SEC24A: variants seen among roughly 807,000 people sequenced by gnomAD.
SEC24A encodes the protein SEC24 homolog A, COPII component, also known as protein transport protein Sec24A.
A neutral mutation model predicts 129.4 loss-of-function variants in SEC24A; 93 were observed. That is an observed-to-expected ratio of 0.72 (90% CI 0.61 to 0.85). SEC24A has a LOEUF of 0.85. Ranked by LOEUF, SEC24A falls within the 40% of genes least tolerant of loss-of-function variation. The pLI is 0.00. For synonymous variants in SEC24A, 460 were observed against 467.3 expected, an observed-to-expected ratio of 0.98 and a Z score of 0.20; for missense variants, 1,264 against 1,307.4, an observed-to-expected ratio of 0.97 and a Z score of 0.51.
chr5:134,675,074 A>G lies in SEC24A; in HGVS notation c.1008A>G (p.Thr336=), dbSNP rs767882261. 1 of 1,608,180 alleles carries G rather than the reference A, an allele frequency of 6.2e-7. No individual in the cohort carries two copies. Among genetic ancestry groups the G allele is most frequent in the Non-Finnish European group, 8.5e-7 (1 of 1,176,064 alleles). The change falls in exon 6 of 23, where the codon ACA becomes ACG. Residue 336 remains threonine (T), a synonymous_variant. Transcript: ENST00000398844. The part of the protein sequence containing the change: ...QTPLGANHLT[T]SMSGLSLQPE... ...CCTTAGGTGCTAATCATTTAACCAC[A>G]AGCATGAGTGGATTAAGTCTACAAC...
intron 16 of SEC24A, among the ~76,000 whole-genome samples, chr5:134,705,090 A>ATATATATATATATATAT: frequency 8.1e-6 from 1 of 123,306 alleles, no homozygotes; most frequent in East Asian, 2.3e-4. Context: ...ATATATATAT[A>ATATATATATATATATAT]TTTTTTTTTT....
At chr5:134,710,452 C>G (rs966574868) in intron 18 of SEC24A, among the ~76,000 whole-genome samples, 4 of 152,062 alleles carry the variant, frequency 2.6e-5, no homozygotes. Context: ...AGGCTGGTTT[C>G]TAACGCCCAA....
At chr5:134,661,821 C>CTTTTTTTTTTTTTTTTTTT (rs70976551) in intron 2 of SEC24A, among the ~76,000 whole-genome samples, 1 of 77,850 alleles carries the variant, frequency 1.3e-5, no homozygotes, top group Non-Finnish European at 2.6e-5. Context: ...TCTTTTTTCT[C>CTTTTTTTTTTTTTTTTTTT]TTTTTTTTTT....
chr5:134,688,880 A>C (rs922755193), intron 11 of SEC24A, among the ~76,000 whole-genome samples: 1 of 152,058 alleles, frequency 6.6e-6, no homozygotes, highest in Admixed American at 6.6e-5. Flanking sequence ...AGGTTTCACC[A>C]TGTTGGCCAG....
intron 13 of SEC24A, among the ~76,000 whole-genome samples, chr5:134,695,792 CAA>C (rs1044950030): frequency 1.3e-5 from 2 of 148,972 alleles, no homozygotes; most frequent in Admixed American, 1.3e-4. Context: ...ACAACAACAA[CAA>C]AAAACAAAAA....
rs755261633 is a variant in SEC24A at position 134,693,962 on chromosome 5, G to A, written c.1986+29G>A. Reference sequence around the variant, plus strand: ...AGAGAGTCATGAAATGTCTGATAAGGTTTATGCTGGTGTTCCATCCCTGTG... The same window carrying A: ...AGAGAGTCATGAAATGTCTGATAAGATTTATGCTGGTGTTCCATCCCTGTG... On this transcript the variant is annotated intron_variant, in intron 13 of 22. Coordinates refer to ENST00000398844, the MANE Select transcript of SEC24A (RefSeq NM_021982.3). 5 of 1,570,132 alleles carry A rather than the reference G, an allele frequency of 3.2e-6. No individual in the cohort carries two copies. In the African/African-American group the frequency reaches 4.1e-5, roughly 13 times the overall value.
chr5:134,705,323 A>G lies in SEC24A; in HGVS notation c.2441-4A>G. On this transcript the variant is annotated splice_region_variant and splice_polypyrimidine_tract_variant and intron_variant, in intron 16 of 22. Transcript: ENST00000398844. ...TCACTGTTGTTTGTGTATTTTCCCC[A>G]AAGGCGAAAGAAGAATTCGTGTTCA... 6.2e-7 allele frequency: 1 copy of G among 1,607,370 alleles called. No homozygotes were observed. The highest frequency in any genetic ancestry group is 8.5e-7 in the Non-Finnish European group (1 of 1,174,398).
At chr5:134,696,701 T>C (rs1226654198) in intron 13 of SEC24A, among the ~76,000 whole-genome samples, 1 of 152,078 alleles carries the variant, frequency 6.6e-6, no homozygotes, top group Non-Finnish European at 1.5e-5. Flanking sequence ...GGTTTCACCA[T>C]GTTAGCCAGG....
chr5:134,685,993 T>TAA (rs534968315), intron 9 of SEC24A, among the ~76,000 whole-genome samples: 2 of 146,294 alleles, frequency 1.4e-5, no homozygotes, highest in Admixed American at 6.9e-5. Context: ...CATCTCAAAG[T>TAA]AAAAAAAAAA....
intron 2 of SEC24A, among the ~76,000 whole-genome samples, chr5:134,663,563 ATCC>A (rs1324134307): frequency 3.3e-5 from 5 of 152,194 alleles, no homozygotes; most frequent in African/African-American, 1.2e-4. Context: ...CACGCCTATA[ATCC>A]TAGCACTTTG....
At position 134,665,323 on chromosome 5, in the gene SEC24A, G is replaced by A. The variant is rs536692265; in HGVS notation, c.566-1500G>A. Among the ~76,000 whole-genome samples, 277 of 150,842 alleles carry A rather than the reference G, an allele frequency of 1.8e-3. 2 individuals are homozygous for A. Among genetic ancestry groups the A allele is most frequent in the Non-Finnish European group, 3.3e-3 (221 of 67,774 alleles). The stretch of plus-strand genomic sequence containing the variant: ...ACAAAAATTAGCCGGGCGTGGTGGC[G>A]CGCACTTGTGGACCCAGCTGCTGCC... On this transcript the variant is annotated intron_variant, in intron 2 of 22. Coordinates refer to ENST00000398844, the MANE Select transcript of SEC24A (RefSeq NM_021982.3).
intron 13 of SEC24A, among the ~76,000 whole-genome samples, chr5:134,696,279 A>G (rs932048786): frequency 6.6e-6 from 1 of 152,038 alleles, no homozygotes; most frequent in African/African-American, 2.4e-5. Flanking sequence ...CTCAAAAAAA[A>G]AGAAAAAGAA....
chr5:134,720,539 A>G (rs1752600434), intron 20 of SEC24A, among the ~76,000 whole-genome samples: 1 of 152,168 alleles, frequency 6.6e-6, no homozygotes, highest in South Asian at 2.1e-4. Context: ...CATCAGGTAA[A>G]TACTAATTAT....
chr5:134,654,421 C>A (rs1404321854), intron 1 of SEC24A, among the ~76,000 whole-genome samples: 1 of 151,956 alleles, frequency 6.6e-6, no homozygotes, highest in Non-Finnish European at 1.5e-5. Flanking sequence ...GGGGTTTCAC[C>A]ATGTTGGACA....
chr5:134,700,673 T>A (rs1751978570), intron 15 of SEC24A, among the ~76,000 whole-genome samples: 1 of 151,696 alleles, frequency 6.6e-6, no homozygotes, highest in Admixed American at 6.6e-5. Flanking sequence ...TTCACTATAA[T>A]TAGAATTTAT....
chr5:134,716,904 G>C (rs546167720), intron 19 of SEC24A, among the ~76,000 whole-genome samples: 3 of 149,394 alleles, frequency 2.0e-5, no homozygotes, highest in Admixed American at 1.3e-4. Context: ...TTTGAGACAG[G>C]GTTTTGCACT....
chr5:134,649,187 G>C lies in SEC24A; in HGVS notation c.97+14G>C, dbSNP rs1225056891. ...CCTACACCAACGGTGAGTGCTGTCC[G>C]GGGGGAGGGCGCAGCCTGGCCAGGG... On this transcript the variant is annotated intron_variant, in intron 1 of 22. Transcript: ENST00000398844. 1.3e-6 allele frequency: 2 copies of C among 1,575,694 alleles called. No individual in the cohort carries two copies. The highest frequency in any genetic ancestry group is 1.4e-5 in the African/African-American group (1 of 73,194).
intron 15 of SEC24A, among the ~76,000 whole-genome samples, chr5:134,699,968 TG>T (rs1037350317): frequency 2.0e-5 from 3 of 152,058 alleles, no homozygotes; most frequent in African/African-American, 7.2e-5. Context: ...CCCTAAATGC[TG>T]GGATTACAGG....
chr5:134,675,999 T>A (rs1204507795), intron 6 of SEC24A, 24 bp from the exon 7 acceptor site: 1 of 1,513,882 alleles, frequency 6.6e-7, no homozygotes, highest in South Asian at 1.2e-5. Flanking sequence ...CAGCAACTGA[T>A]ACATACTTTT....
Sources: gnomAD v4.1 joint callset for allele counts (sites outside exome capture counted in the v4.1 genomes callset) on GRCh38, gnomAD v4.1.1 for gene constraint, MANE v1.5 for transcripts, NCBI Gene and HGNC (gene_info 2026-07-23, HGNC 2026-07-21) for gene names.